REV3L: variants seen among roughly 807,000 people sequenced by gnomAD.
The protein encoded by REV3L is REV3 like, DNA directed polymerase zeta catalytic subunit.
A neutral mutation model predicts 299.4 loss-of-function variants in REV3L; 69 were observed. That is an observed-to-expected ratio of 0.23 (90% CI 0.19 to 0.28). The LOEUF is 0.28. REV3L is among the 10% of genes least tolerant of loss of function. The pLI is 1.00. For missense variants in REV3L, 3,128 were observed against 3,693.8 expected, an observed-to-expected ratio of 0.85 and a Z score of 3.97; for synonymous variants, 1,238 against 1,271.4, an observed-to-expected ratio of 0.97 and a Z score of 0.56.
intron 20 of REV3L, among the ~76,000 whole-genome samples, chr6:111,348,617 G>T (rs1190729532): frequency 6.6e-6 from 1 of 152,226 alleles, no homozygotes; most frequent in East Asian, 1.9e-4. Flanking sequence ...AAAAAATACG[G>T]TGAAATTAGA....
intron 9 of REV3L, among the ~76,000 whole-genome samples, chr6:111,382,518 C>A (rs1780933421): frequency 1.3e-5 from 2 of 152,276 alleles, no homozygotes; most frequent in Admixed American, 1.3e-4. Flanking sequence ...TAGAATTTAG[C>A]CAGCACCCAT....
At chr6:111,377,317 G>T (rs1464828418) in intron 12 of REV3L, among the ~76,000 whole-genome samples, 1 of 149,736 alleles carries the variant, frequency 6.7e-6, no homozygotes, top group African/African-American at 2.4e-5. Context: ...TATGATTAAA[G>T]TTTCAAAATC....
chr6:111,395,539 T>C (rs2128260635), intron 4 of REV3L, among the ~76,000 whole-genome samples: 1 of 152,316 alleles, frequency 6.6e-6, no homozygotes, highest in African/African-American at 2.4e-5. Flanking sequence ...GCTATTAGTT[T>C]TTTGTGGGTT....
chr6:111,443,472 C>A (rs1788508340), intron 1 of REV3L, among the ~76,000 whole-genome samples: 1 of 152,138 alleles, frequency 6.6e-6, no homozygotes, highest in African/African-American at 2.4e-5. Context: ...TATTGTCTTC[C>A]TTTCAAGAAA....
intron 20 of REV3L, 125 bp downstream of exon 20, chr6:111,349,093 A>C (rs1171146988): frequency 1.8e-6 from 1 of 562,690 alleles, no homozygotes; most frequent in African/African-American, 1.9e-5. Flanking sequence ...AACTCTACTT[A>C]AGTATAACAG....
intron 4 of REV3L, among the ~76,000 whole-genome samples, chr6:111,405,136 T>C (rs1280330649): frequency 6.6e-6 from 1 of 151,968 alleles, no homozygotes; most frequent in Non-Finnish European, 1.5e-5. Flanking sequence ...ACAATACATA[T>C]CAATTGCTAA....
At chr6:111,424,284 G>A (rs537815991) in intron 1 of REV3L, among the ~76,000 whole-genome samples, 3 of 152,180 alleles carry the variant, frequency 2.0e-5, no homozygotes, top group Admixed American at 6.5e-5. Flanking sequence ...GGCAAGTAAC[G>A]AGAGGCTGGA....
chr6:111,399,556 G>A (rs897137771), intron 4 of REV3L, among the ~76,000 whole-genome samples: 4 of 152,250 alleles, frequency 2.6e-5, no homozygotes, highest in African/African-American at 9.6e-5. Context: ...AGTCTCCTCT[G>A]GTCTATTTAT....
chr6:111,482,433 C>T (rs947755797), intron 1 of REV3L, among the ~76,000 whole-genome samples: 3 of 152,150 alleles, frequency 2.0e-5, no homozygotes, highest in African/African-American at 4.8e-5. Context: ...TCCGGGGCGC[C>T]CGCGGCTTTC....
chr6:111,311,221 T>C lies in REV3L; in HGVS notation c.8643A>G (p.Arg2881=). 6.2e-7 allele frequency: 1 copy of C among 1,610,986 alleles called. No homozygotes were observed. The highest frequency in any genetic ancestry group is 8.5e-7 in the Non-Finnish European group (1 of 1,178,672). The change falls in exon 29 of 32, where the codon AGA becomes AGG. Residue 2881 remains arginine, a synonymous_variant. Transcript: ENST00000368802. ...CATACTGTTTAATTAGACTTATATCTCTCGTTTCAAATAGCAGCTTTAGAG... is the reference window on the plus strand; with the variant it reads ...CATACTGTTTAATTAGACTTATATCCCTCGTTTCAAATAGCAGCTTTAGAG... ...ERSLKLLFET[R]DISLIKQYVQ...
chr6:111,448,327 G>A (rs1411721065), intron 1 of REV3L, among the ~76,000 whole-genome samples: 2 of 151,842 alleles, frequency 1.3e-5, no homozygotes, highest in Admixed American at 6.6e-5. Context: ...TTTATTGGAG[G>A]TTTTCTTTTT....
In REV3L at chr6:111,482,875, C is replaced by G; in HGVS notation, c.14G>C (p.Arg5Thr). ...CATGTAGTAGTCTGCAGTCACTATC[C>G]TTACTGAAAACATGTTCGCCGCCGC... Reference protein sequence around the residue: MFSVRIVTADYYMAS... With the variant: MFSVTIVTADYYMAS... The change falls in exon 1 of 32, where the codon AGG becomes ACG. Residue 5 changes from arginine to threonine, a missense_variant. Arg to Thr is a moderately conservative substitution (Grantham distance 71). Around this residue, in one of 9 missense-constraint regions of REV3L, gnomAD observed 48 missense variants for 42.8 expected, o/e 1.12. Transcript: ENST00000368802. 6.6e-7 allele frequency: 1 copy of G among 1,517,582 alleles called. No homozygotes were observed. Among genetic ancestry groups the G allele is most frequent in the Non-Finnish European group, 8.8e-7 (1 of 1,142,030 alleles). 94.0% of individuals were successfully genotyped at this position (1,517,582 alleles called of 1,614,324 possible).
intron 29 of REV3L, 81 bp from the exon 30 acceptor site, chr6:111,310,180 CA>C: frequency 7.0e-7 from 1 of 1,430,324 alleles, no homozygotes; most frequent in Non-Finnish European, 9.2e-7. Context: ...CAGAATTAAA[CA>C]ATAATAAAAC....
At chr6:111,477,074 T>C (rs1392892629) in intron 1 of REV3L, among the ~76,000 whole-genome samples, 1 of 152,236 alleles carries the variant, frequency 6.6e-6, no homozygotes, top group Admixed American at 6.5e-5. Context: ...AAACTAATTT[T>C]TTCACATAAT....
In REV3L at chr6:111,329,525, C is replaced by T. The variant is rs560978985; in HGVS notation, c.8241+7G>A. 6.2e-7 allele frequency: 1 copy of T among 1,613,370 alleles called. No homozygotes were observed. The highest frequency in any genetic ancestry group is 1.3e-5 in the African/African-American group (1 of 75,012). ...TTTTGAAAAAACTACAGATTTGTAT[C>T]ACTTACCTCAATGCATGGCATTCTC... On this transcript the variant is annotated splice_region_variant and intron_variant, in intron 25 of 31. Coordinates refer to ENST00000368802, the MANE Select transcript of REV3L (RefSeq NM_001372078.1).
intron 12 of REV3L, among the ~76,000 whole-genome samples, chr6:111,377,331 T>TTTA (rs141950544): frequency 6.6e-6 from 1 of 151,994 alleles, no homozygotes; most frequent in East Asian, 1.9e-4. Flanking sequence ...CAAAATCATA[T>TTTA]TTATTTATTT....
At chr6:111,345,776 CTTTT>C (rs879786443) in intron 20 of REV3L, among the ~76,000 whole-genome samples, 1 of 145,478 alleles carries the variant, frequency 6.9e-6, no homozygotes, top group African/African-American at 2.5e-5. Context: ...CTGCTGCCGC[CTTTT>C]TTTTTTTAAT....
chr6:111,441,646 T>C (rs755844085), intron 1 of REV3L, among the ~76,000 whole-genome samples: 7 of 152,244 alleles, frequency 4.6e-5, no homozygotes, highest in Non-Finnish European at 1.0e-4. Flanking sequence ...AATTCCAAAA[T>C]CTCTGCCATA....
intron 31 of REV3L, 84 bp downstream of exon 31, chr6:111,307,277 T>A: frequency 9.2e-6 from 11 of 1,199,604 alleles, no homozygotes; most frequent in African/African-American, 1.5e-5. Flanking sequence ...CAGTTTTGTA[T>A]CTCACACTAT....
Sources: gnomAD v4.1 joint callset for allele counts (sites outside exome capture counted in the v4.1 genomes callset) on GRCh38, gnomAD v4.1.1 for gene constraint, gnomAD v4.1.1 regional missense constraint, MANE v1.5 for transcripts, NCBI Gene and HGNC (gene_info 2026-07-23, HGNC 2026-07-21) for gene names.